Variants in CDC42SE2 observed in about 807,000 individuals in gnomAD.
The protein encoded by CDC42SE2 is CDC42 small effector protein 2.
Under a neutral mutation model 11.5 loss-of-function variants are expected in CDC42SE2, and 3 were observed. That is an observed-to-expected ratio of 0.26 (90% CI 0.12 to 0.67). The LOEUF (loss-of-function observed/expected upper bound fraction) is 0.67, where lower values mean the gene tolerates loss of function less well. Ranked by LOEUF, CDC42SE2 falls within the 30% of genes least tolerant of loss-of-function variation. The probability of loss-of-function intolerance (pLI) is 0.80; values close to 1 mark genes in which losing one functional copy is unlikely to be tolerated. For missense variants in CDC42SE2, 82 were observed against 106.8 expected (o/e 0.77, Z 1.02); for synonymous variants, 33 against 34.8 (o/e 0.95, Z 0.18).
intron 4 of CDC42SE2, among the ~76,000 whole-genome samples, chr5:131,390,778 A>G (rs1215441575): frequency 6.6e-6 from 1 of 152,162 alleles, no homozygotes; most frequent in East Asian, 1.9e-4. Flanking sequence ...GGAAATAGAG[A>G]AAATAGGGGT....
intron 1 of CDC42SE2, among the ~76,000 whole-genome samples, chr5:131,283,498 C>CT (rs919195912): frequency 0.017 from 2,505 of 145,054 alleles, 38 homozygotes; most frequent in African/African-American, 0.041. Flanking sequence ...ACATCATTCT[C>CT]TTTTTTTTTT....
chr5:131,341,484 CT>C (rs1396251005), intron 2 of CDC42SE2, among the ~76,000 whole-genome samples: 1 of 152,164 alleles, frequency 6.6e-6, no homozygotes, highest in Non-Finnish European at 1.5e-5. Flanking sequence ...CATTTTCATT[CT>C]GTGTCCCACT....
intron 3 of CDC42SE2, among the ~76,000 whole-genome samples, chr5:131,374,274 G>A (rs1437706708): frequency 6.6e-6 from 1 of 152,160 alleles, no homozygotes; most frequent in East Asian, 1.9e-4. Flanking sequence ...ATTAATGATA[G>A]TTTCATTAAA....
At chr5:131,264,001 C>A (rs1756793987), upstream of CDC42SE2, 1 of 151,754 alleles carries the variant, frequency 6.6e-6, no homozygotes, top group African/African-American at 2.4e-5. Context: ...GGGCGCGCGC[C>A]GCCTCTCGCT....
At chr5:131,227,481 A>G in the CDC42SE2 span, among the ~76,000 whole-genome samples, 11 of 152,114 alleles carry the variant, frequency 7.2e-5, no homozygotes, top group African/African-American at 2.7e-4. Flanking sequence ...CTAAAATACA[A>G]ACTAATAAAT....
At chr5:131,334,013 G>A (rs1236449503) in intron 2 of CDC42SE2, among the ~76,000 whole-genome samples, 1 of 152,126 alleles carries the variant, frequency 6.6e-6, no homozygotes, top group Non-Finnish European at 1.5e-5. Flanking sequence ...GAATAGGAGT[G>A]TTGAGAGAGG....
At chr5:131,299,558 G>A (rs1472198108) in intron 1 of CDC42SE2, among the ~76,000 whole-genome samples, 1 of 152,248 alleles carries the variant, frequency 6.6e-6, no homozygotes, top group African/African-American at 2.4e-5. Context: ...TGGTAAGAAA[G>A]AAGCAGAGTT....
At chr5:131,249,833 T>C (rs955621299) in intron 1 of CDC42SE2, among the ~76,000 whole-genome samples, 1 of 152,078 alleles carries the variant, frequency 6.6e-6, no homozygotes, top group Non-Finnish European at 1.5e-5. Context: ...CAGTGAGCTA[T>C]GATTGTACCA....
the CDC42SE2 span, among the ~76,000 whole-genome samples, chr5:131,220,596 A>G: frequency 6.6e-6 from 1 of 152,214 alleles, no homozygotes; most frequent in Non-Finnish European, 1.5e-5. Flanking sequence ...TTGATAGAAT[A>G]TTCCATTATA....
intron 1 of CDC42SE2, chr5:131,254,971 C>A (rs1756669373): frequency 6.6e-6 from 1 of 151,934 alleles, no homozygotes; most frequent in Admixed American, 6.6e-5. Context: ...CTCATTATAA[C>A]CAAGAACTGA....
chr5:131,357,508 C>T (rs1749585269), intron 2 of CDC42SE2, among the ~76,000 whole-genome samples: 1 of 152,178 alleles, frequency 6.6e-6, no homozygotes, highest in African/African-American at 2.4e-5. Context: ...TTTAATTTCA[C>T]TTAATGTTCA....
chr5:131,340,493 A>G lies in CDC42SE2; in HGVS notation c.-285-18716A>G, dbSNP rs886594151. ...TGGTTAAGAGGGAACTACTGTATAG[A>G]TATTCTTTTAACAGCGTATCTGGGT... On this transcript the variant is annotated intron_variant, in intron 2 of 4. Transcript: ENST00000505065. Among the ~76,000 whole-genome samples, 3 of 152,228 alleles carry G rather than the reference A, an allele frequency of 2.0e-5. No individual in the cohort carries two copies. In the South Asian group the frequency reaches 6.2e-4, roughly 32 times the overall value.
the CDC42SE2 span, among the ~76,000 whole-genome samples, chr5:131,218,908 T>C: frequency 6.6e-6 from 1 of 152,244 alleles, no homozygotes; most frequent in South Asian, 2.1e-4. Context: ...TGTATATTTG[T>C]TACACTTTAA....
intron 2 of CDC42SE2, among the ~76,000 whole-genome samples, chr5:131,324,945 T>C (rs1183100183): frequency 6.6e-6 from 1 of 152,202 alleles, no homozygotes; most frequent in Non-Finnish European, 1.5e-5. Context: ...CTCATATCAG[T>C]TTTAATGTAA....
At chr5:131,320,079 AAAG>A (rs1758131199) in intron 2 of CDC42SE2, among the ~76,000 whole-genome samples, 2 of 146,682 alleles carry the variant, frequency 1.4e-5, no homozygotes, top group Admixed American at 1.4e-4. Context: ...AAAAAAAAAA[AAAG>A]AACATTTAAA....
chr5:131,292,559 CAAAAAAAA>C (rs58166806), intron 1 of CDC42SE2, among the ~76,000 whole-genome samples: 1 of 117,884 alleles, frequency 8.5e-6, no homozygotes, highest in African/African-American at 3.4e-5. Flanking sequence ...GACTCCATCT[CAAAAAAAA>C]AAAAAAAACA....
At chr5:131,269,940 A>G (rs1756958050) in intron 1 of CDC42SE2, among the ~76,000 whole-genome samples, 1 of 152,104 alleles carries the variant, frequency 6.6e-6, no homozygotes, top group Non-Finnish European at 1.5e-5. Flanking sequence ...TCAGGCCTGT[A>G]ATCCCAGCCA....
At chr5:131,268,564 T>G (rs946588666) in intron 1 of CDC42SE2, among the ~76,000 whole-genome samples, 1 of 151,950 alleles carries the variant, frequency 6.6e-6, no homozygotes, top group Non-Finnish European at 1.5e-5. Flanking sequence ...ACAATTCTCC[T>G]GCCTCAGCCT....
At chr5:131,381,867 CCT>C (rs1377561534) in intron 3 of CDC42SE2, among the ~76,000 whole-genome samples, 1 of 152,244 alleles carries the variant, frequency 6.6e-6, no homozygotes, top group Non-Finnish European at 1.5e-5. Flanking sequence ...ACACTTCAGT[CCT>C]TTACAAACTC....
Sources: gnomAD v4.1 joint callset for allele counts (sites outside exome capture counted in the v4.1 genomes callset) on GRCh38, gnomAD v4.1.1 for gene constraint, MANE v1.5 for transcripts, NCBI Gene and HGNC (gene_info 2026-07-23, HGNC 2026-07-21) for gene names.